The following ETV7 variants were observed in gnomAD, a reference collection of about 807,000 sequenced individuals.
The protein encoded by ETV7 is ETS variant transcription factor 7.
In ETV7, 43 loss-of-function variants were observed where a neutral mutation model predicts 39.1. The observed-to-expected ratio is 1.10, with a 90% CI of 0.86 to 1.42. The LOEUF is 1.42. Ranked by LOEUF, ETV7 falls within the 40% of genes most tolerant of loss-of-function variation. The probability of loss-of-function intolerance (pLI) is 0.00; values close to 1 mark genes in which losing one functional copy is unlikely to be tolerated. For missense variants in ETV7, 432 were observed against 442.3 expected, an observed-to-expected ratio of 0.98 and a Z score of 0.21; for synonymous variants, 196 against 176.6, an observed-to-expected ratio of 1.11 and a Z score of -0.87.
In ETV7 at chr6:36,371,474, G is replaced by T. The variant is rs763212200; in HGVS notation, c.520C>A (p.Leu174Met). Reference sequence around the variant, plus strand: ...CACCTTGCCAGGCCAGGGTCATCCAGGTGGCCGAAGTTGCTGGTAAGCCCT... The same window carrying T: ...CACCTTGCCAGGCCAGGGTCATCCATGTGGCCGAAGTTGCTGGTAAGCCCT... ...DPGLTSNFGHLDDPGLARWTP... is the reference protein window; with the variant it reads ...DPGLTSNFGHMDDPGLARWTP... The change falls in exon 5 of 8, where the codon CTG (leucine) becomes ATG (methionine). Residue 174 changes from leucine (L) to methionine (M), a missense_variant. Leu to Met is a conservative substitution (Grantham distance 15). Transcript: ENST00000340181. The T allele has an allele frequency of 4.4e-6, 7 of 1,603,924 alleles. No individual in the cohort carries two copies. Among genetic ancestry groups the T allele is most frequent in the South Asian group, 2.2e-5 (2 of 88,990 alleles).
intron 7 of ETV7, among the ~76,000 whole-genome samples, chr6:36,356,169 C>T (rs1291198313): frequency 1.3e-5 from 2 of 152,062 alleles, no homozygotes; most frequent in African/African-American, 2.4e-5. Flanking sequence ...CACAGTGGCT[C>T]ACGCCTGTAA....
intron 2 of ETV7, among the ~76,000 whole-genome samples, chr6:36,376,402 C>T (rs1310670923): frequency 6.6e-6 from 1 of 152,158 alleles, no homozygotes; most frequent in Non-Finnish European, 1.5e-5. Flanking sequence ...GTATTCAGCA[C>T]CTAGAACAGT....
At chr6:36,375,398 A>G (rs2071796) in intron 3 of ETV7, among the ~76,000 whole-genome samples, 4,669 of 152,124 alleles carry the variant, frequency 0.031, 176 homozygotes, top group East Asian at 0.11. Flanking sequence ...CTGGAACACC[A>G]TCATCTGACA....
chr6:36,371,496 C>A lies in ETV7; in HGVS notation c.498G>T (p.Gly166=), dbSNP rs764976121. ...RGHLLQPPDP[G]LTSNFGHLDD... ...CCAGGTGGCCGAAGTTGCTGGTAAG[C>A]CCTGGGTCTGGTGGCTGCAGCAGGT... The change falls in exon 5 of 8, where the codon GGG becomes GGT. Residue 166 remains glycine (G), a synonymous_variant. Transcript: ENST00000340181. 1.2e-6 allele frequency: 2 copies of A among 1,606,102 alleles called. No homozygotes were observed. Among genetic ancestry groups the A allele is most frequent in the East Asian group, 2.2e-5 (1 of 44,744 alleles).
rs1001345978 is a variant in ETV7, at chr6:36,371,347, A to C, written c.647T>G (p.Ile216Ser). Residue 216 changes from isoleucine to serine, a missense_variant, in exon 5 of 8, where the codon ATT (isoleucine) becomes AGT (serine). Transcript: ENST00000340181. The part of the protein sequence containing the change: ...CSFPAMPQAP[I>S]DGRIADCRLL... ...CCACTCACCAGCGATCCTGCCGTCAATGGGGGCCTGCGGCATCGCGGGGAA... is the reference window on the plus strand; with the variant it reads ...CCACTCACCAGCGATCCTGCCGTCACTGGGGGCCTGCGGCATCGCGGGGAA... 1.3e-6 allele frequency: 2 copies of C among 1,591,630 alleles called. No individual in the cohort carries two copies. The highest frequency in any genetic ancestry group is 2.7e-5 in the African/African-American group (2 of 74,506).
At chr6:36,377,267 C>T (rs1311463262) in intron 2 of ETV7, among the ~76,000 whole-genome samples, 1 of 152,104 alleles carries the variant, frequency 6.6e-6, no homozygotes, top group Non-Finnish European at 1.5e-5. Flanking sequence ...TTGAGACCAG[C>T]CTGAGCAACT....
chr6:36,380,707 A>G (rs1773608927), intron 2 of ETV7, among the ~76,000 whole-genome samples: 1 of 152,242 alleles, frequency 6.6e-6, no homozygotes, highest in Non-Finnish European at 1.5e-5. Context: ...TCCAGGAGGC[A>G]CAGACTTTGC....
rs767302808 is a variant in ETV7, at chr6:36,360,435, G to C, written c.909-5748C>G. ...AGGAGAGGAGGCTGATGCTATCAAC[G>C]GACAGCTGGCTTATGGTGCCCCTCA... On this transcript the variant is annotated intron_variant, in intron 7 of 7. Transcript: ENST00000339796. Among the ~76,000 whole-genome samples the C allele has an allele frequency of 5.9e-5, 9 of 152,086 alleles. No individual in the cohort carries two copies. In the East Asian group the frequency reaches 1.5e-3, roughly 26 times the overall value.
At chr6:36,364,253 G>A (rs1582171770), downstream of ETV7, among the ~76,000 whole-genome samples, 1 of 152,248 alleles carries the variant, frequency 6.6e-6, no homozygotes, top group African/African-American at 2.4e-5. Context: ...CTTGGGTGGT[G>A]GATGGGACTG....
intron 2 of ETV7, among the ~76,000 whole-genome samples, chr6:36,378,651 C>A (rs1434858183): frequency 1.3e-5 from 2 of 151,990 alleles, no homozygotes; most frequent in Admixed American, 6.6e-5. Context: ...TCCAGCAATC[C>A]CAGCAAAGCA....
chr6:36,370,516 A>G (rs1772962043), intron 5 of ETV7, among the ~76,000 whole-genome samples: 1 of 151,988 alleles, frequency 6.6e-6, no homozygotes, highest in Non-Finnish European at 1.5e-5. Context: ...GCCTGGGCAA[A>G]AGAGCCAGAC....
Position 36,366,537 on chromosome 6 carries a change from C to G in ETV7, c.*108G>C. 6.4e-7 allele frequency: 1 copy of G among 1,573,864 alleles called. No individual in the cohort carries two copies. The stretch of plus-strand genomic sequence containing the variant: ...AGCAATGGCTGTAATCCTGTGGGTA[C>G]AGAGTCTGGCTGGGGATCCTGCTGC... On this transcript the variant is annotated 3_prime_UTR_variant, in exon 8 of 8. Coordinates refer to ENST00000340181, the MANE Select transcript of ETV7 (RefSeq NM_016135.4).
At chr6:36,354,478 C>A in exon 8 of ETV7, 1 of 488,104 alleles carries the variant, frequency 2.0e-6, no homozygotes, top group Non-Finnish European at 3.6e-6. Context: ...ATGTGGACAC[C>A]CATTGTCCCA....
chr6:36,378,240 G>GAAAA (rs34940984), intron 2 of ETV7, among the ~76,000 whole-genome samples: 21 of 140,324 alleles, frequency 1.5e-4, no homozygotes, highest in African/African-American at 1.9e-4. Context: ...ATCTAATATG[G>GAAAA]AAAAAAAAAA....
chr6:36,375,346 C>A (rs1015945379), intron 3 of ETV7, among the ~76,000 whole-genome samples: 1 of 152,114 alleles, frequency 6.6e-6, no homozygotes, highest in East Asian at 1.9e-4. Context: ...CACTGGCCAC[C>A]CTCCCTCCCA....
chr6:36,376,136 C>T (rs1773331252), intron 2 of ETV7, 101 bp from the exon 3 acceptor site: 1 of 1,076,864 alleles, frequency 9.3e-7, no homozygotes, highest in South Asian at 1.6e-5. Context: ...TGTCCTGGCC[C>T]CCAACCCCCA....
intron 2 of ETV7, among the ~76,000 whole-genome samples, chr6:36,378,442 G>A (rs1280193125): frequency 6.6e-6 from 1 of 152,114 alleles, no homozygotes; most frequent in Non-Finnish European, 1.5e-5. Flanking sequence ...GACAGGAAAC[G>A]CAGAGGCTGT....
chr6:36,362,480 T>C (rs1336059622), downstream of ETV7, among the ~76,000 whole-genome samples: 3 of 150,228 alleles, frequency 2.0e-5, no homozygotes, highest in African/African-American at 7.5e-5. Context: ...TGTGAGAAGT[T>C]CACTTTGACA....
At chr6:36,366,056 C>T (rs181895750), downstream of ETV7, 821 of 362,844 alleles carry the variant, frequency 2.3e-3, 4 homozygotes, top group Admixed American at 4.5e-3. Context: ...CAGCTGTAAT[C>T]CCAGCTACTC....
Sources: gnomAD v4.1 joint callset for allele counts (sites outside exome capture counted in the v4.1 genomes callset) on GRCh38, gnomAD v4.1.1 for gene constraint, MANE v1.5 for transcripts, NCBI Gene and HGNC (gene_info 2026-07-23, HGNC 2026-07-21) for gene names.